Variants in TMEM71 observed in about 807,000 individuals in gnomAD.
TMEM71 encodes transmembrane protein 71.
Under a neutral mutation model 38.0 loss-of-function variants are expected in TMEM71, and 44 were observed. That is an observed-to-expected ratio of 1.16 (90% CI 0.91 to 1.49). The LOEUF (loss-of-function observed/expected upper bound fraction) is 1.49, where lower values mean the gene tolerates loss of function less well. TMEM71 is among the 40% of genes most tolerant of loss of function. TMEM71 has a pLI of 0.00. For synonymous variants in TMEM71, 133 were observed against 122.5 expected, an observed-to-expected ratio of 1.09 and a Z score of -0.56; for missense variants, 367 against 348.6, an observed-to-expected ratio of 1.05 and a Z score of -0.42.
rs550674565 is a variant in TMEM71 at position 132,727,560 on chromosome 8, A to C, written c.676+238T>G. 2.0e-5 allele frequency among the ~76,000 whole-genome samples: 3 copies of C among 152,114 alleles called. No homozygotes were observed. In the East Asian group the frequency reaches 5.8e-4, roughly 29 times the overall value. On this transcript the variant is annotated intron_variant, in intron 6 of 9. Coordinates refer to ENST00000677595, the MANE Select transcript of TMEM71 (RefSeq NM_001382403.1). ...CCTGACCTGCCGTGCCCGGTCTCTG[A>C]ATATTTTTTAAGTAAAACACTGCAG...
Position 132,710,117 on chromosome 8 carries a change from A to C in TMEM71, c.*850T>G, listed in dbSNP as rs1826164914. The C allele has an allele frequency of 6.6e-6, 1 of 152,142 alleles. No homozygotes were observed. The highest frequency in any genetic ancestry group is 2.1e-4 in the South Asian group (1 of 4,830). 9.4% of individuals were successfully genotyped at this position (152,142 alleles called of 1,614,324 possible). A position where few individuals can be genotyped will look rare whatever the true frequency, so the allele number is the denominator to read the frequency against. Reference sequence around the variant, plus strand: ...ATAGAACAAATTTGAATTACAGGCCATATTTGCTTTGTGAACACGCACCAA... The same window carrying C: ...ATAGAACAAATTTGAATTACAGGCCCTATTTGCTTTGTGAACACGCACCAA... On this transcript the variant is annotated 3_prime_UTR_variant, in exon 10 of 10. Transcript: ENST00000677595.
intron 9 of TMEM71, 143 bp from the exon 10 acceptor site, chr8:132,711,125 A>G: frequency 1.4e-6 from 1 of 736,748 alleles, no homozygotes; most frequent in Non-Finnish European, 2.2e-6. Flanking sequence ...TATCACAACT[A>G]GGAAGAGTGC....
intron 7 of TMEM71, among the ~76,000 whole-genome samples, chr8:132,721,701 C>T (rs1003716505): frequency 6.6e-6 from 1 of 152,006 alleles, no homozygotes; most frequent in Admixed American, 6.5e-5. Flanking sequence ...CATGAGCCAC[C>T]ACGCCTGGCT....
intron 7 of TMEM71, among the ~76,000 whole-genome samples, chr8:132,720,421 A>G (rs916890975): frequency 6.6e-6 from 1 of 152,226 alleles, no homozygotes; most frequent in Non-Finnish European, 1.5e-5. Flanking sequence ...AAATAAAGCT[A>G]GACGTGTTCC....
chr8:132,754,505 GTTGTTA>G (rs1448671020), intron 3 of TMEM71, among the ~76,000 whole-genome samples: 5 of 152,136 alleles, frequency 3.3e-5, no homozygotes, highest in Non-Finnish European at 2.9e-5. Flanking sequence ...TTTAGTTGTT[GTTGTTA>G]TTGTTGTTGT....
intron 5 of TMEM71, among the ~76,000 whole-genome samples, chr8:132,733,935 A>G (rs1827599791): frequency 6.6e-6 from 1 of 152,186 alleles, no homozygotes; most frequent in African/African-American, 2.4e-5. Context: ...TTCTCCTTCT[A>G]TGAGGTAGCC....
intron 5 of TMEM71, among the ~76,000 whole-genome samples, chr8:132,744,842 A>C (rs1563753070): frequency 6.6e-6 from 1 of 152,192 alleles, no homozygotes. Flanking sequence ...TCATAGACCC[A>C]CGAAATGGAA....
chr8:132,747,091 A>G lies in TMEM71; in HGVS notation c.338T>C (p.Ile113Thr), dbSNP rs765923887. ...LVRIFRKKKRICHSFSSLFNL... is the reference protein window; with the variant it reads ...LVRIFRKKKRTCHSFSSLFNL... ...GAAGAGAGAAGAAAAGGAATGGCAG[A>G]TTCTCTTTTTCTTTCTAAATATCCT... The change falls in exon 5 of 10, where the codon ATC becomes ACC. Residue 113 changes from isoleucine to threonine, a missense_variant. Ile to Thr is a moderately conservative substitution (Grantham distance 89). Transcript: ENST00000677595. 1.9e-6 allele frequency: 3 copies of G among 1,608,058 alleles called. No individual in the cohort carries two copies. The highest frequency in any genetic ancestry group is 1.1e-5 in the South Asian group (1 of 89,900).
At chr8:132,758,796 A>T (rs1829172275) in intron 2 of TMEM71, 44 bp downstream of exon 2, 2 of 1,570,542 alleles carry the variant, frequency 1.3e-6, no homozygotes, top group Admixed American at 3.3e-5. Context: ...AAGGAGTCTA[A>T]TCGTTCAAAA....
downstream of TMEM71, among the ~76,000 whole-genome samples, chr8:132,709,202 T>C (rs1037365522): frequency 3.3e-5 from 5 of 152,200 alleles, no homozygotes; most frequent in African/African-American, 4.8e-5. Flanking sequence ...GTTCTCCTAA[T>C]AGTGTATTAA....
chr8:132,730,238 A>G (rs748940928), intron 5 of TMEM71, among the ~76,000 whole-genome samples: 4 of 152,176 alleles, frequency 2.6e-5, no homozygotes, highest in Admixed American at 2.0e-4. Flanking sequence ...GATTACAGGC[A>G]TGAGTCACCA....
chr8:132,725,531 C>T (rs115870323), intron 6 of TMEM71, among the ~76,000 whole-genome samples: 110 of 152,254 alleles, frequency 7.2e-4, no homozygotes, highest in African/African-American at 2.6e-3. Flanking sequence ...GTTGGGTTTC[C>T]ATCCATTGGA....
the TMEM71 span, among the ~76,000 whole-genome samples, chr8:132,772,127 G>GT: frequency 6.6e-6 from 1 of 152,048 alleles, no homozygotes; most frequent in Admixed American, 6.5e-5. Context: ...GCTATCTTGT[G>GT]TTTTATTTGT....
the TMEM71 span, chr8:132,775,562 G>A: frequency 2.8e-6 from 1 of 361,728 alleles, no homozygotes; most frequent in Non-Finnish European, 4.9e-6. Context: ...GGAGGCAGAG[G>A]CAGAGGCCCG....
intron 6 of TMEM71, among the ~76,000 whole-genome samples, chr8:132,723,014 G>C (rs2131039825): frequency 1.3e-5 from 2 of 152,294 alleles, no homozygotes; most frequent in Middle Eastern, 6.8e-3. Context: ...TTTTGCAACA[G>C]TTGTTTAAAA....
chr8:132,740,394 T>C (rs1273612270), intron 5 of TMEM71, among the ~76,000 whole-genome samples: 4 of 152,354 alleles, frequency 2.6e-5, no homozygotes, highest in Non-Finnish European at 4.4e-5. Flanking sequence ...CTTCCCCTTT[T>C]CTTGTTTCCC....
intron 6 of TMEM71, 95 bp downstream of exon 6, chr8:132,727,703 C>T (rs915402326): frequency 6.1e-6 from 7 of 1,155,620 alleles, no homozygotes; most frequent in Admixed American, 4.6e-5. Context: ...TTGGTACCAG[C>T]TCCTAACTGC....
intron 4 of TMEM71, among the ~76,000 whole-genome samples, chr8:132,750,092 G>T (rs1828619853): frequency 6.6e-6 from 1 of 151,842 alleles, no homozygotes; most frequent in Non-Finnish European, 1.5e-5. Context: ...TACATATTTA[G>T]ATCTATAGGT....
intron 7 of TMEM71, among the ~76,000 whole-genome samples, chr8:132,718,429 G>T (rs1223403823): frequency 8.3e-6 from 1 of 120,260 alleles, no homozygotes; most frequent in African/African-American, 3.5e-5. Context: ...ACAGAGTCTC[G>T]CTCTGTTGCC....
Sources: allele counts gnomAD v4.1 joint callset (sites outside exome capture counted in the v4.1 genomes callset), GRCh38; gene constraint gnomAD v4.1.1; transcripts MANE v1.5; gene names NCBI Gene and HGNC (gene_info 2026-07-23, HGNC 2026-07-21).